Variants in SLC10A7 observed in about 807,000 individuals in gnomAD.
SLC10A7 encodes the protein sodium/bile acid cotransporter 7.
A neutral mutation model predicts 43.2 loss-of-function variants in SLC10A7; 29 were observed. That is an observed-to-expected ratio of 0.67 (90% CI 0.50 to 0.92). SLC10A7 has a LOEUF of 0.92. Among genes scored for constraint, SLC10A7 ranks in the 40% least tolerant of loss-of-function variants. SLC10A7 has a pLI of 0.00. For missense variants in SLC10A7, 295 were observed against 403.2 expected, an observed-to-expected ratio of 0.73 and a Z score of 2.30; for synonymous variants, 152 against 144.8, an observed-to-expected ratio of 1.05 and a Z score of -0.35.
chr4:146,306,679 C>A (rs183279936), intron 6 of SLC10A7, among the ~76,000 whole-genome samples: 30 of 152,164 alleles, frequency 2.0e-4, no homozygotes, highest in Admixed American at 1.2e-3. Flanking sequence ...CTATTCCCTG[C>A]AGCACAAGAG....
At chr4:146,362,388 T>C (rs185400010) in intron 5 of SLC10A7, among the ~76,000 whole-genome samples, 106 of 152,178 alleles carry the variant, frequency 7.0e-4, no homozygotes, top group Non-Finnish European at 1.1e-3. Flanking sequence ...TGATCCCTGA[T>C]ATGTCTGGCA....
intron 5 of SLC10A7, among the ~76,000 whole-genome samples, chr4:146,396,153 T>C (rs1396982217): frequency 6.6e-6 from 1 of 152,152 alleles, no homozygotes; most frequent in Non-Finnish European, 1.5e-5. Flanking sequence ...TCTGGTATCA[T>C]TTGACATTTT....
At chr4:146,438,407 A>G (rs1730355748) in intron 5 of SLC10A7, among the ~76,000 whole-genome samples, 1 of 152,080 alleles carries the variant, frequency 6.6e-6, no homozygotes, top group African/African-American at 2.4e-5. Context: ...GTAATCAGTG[A>G]CTCGTACAGA....
intron 4 of SLC10A7, among the ~76,000 whole-genome samples, chr4:146,496,058 C>T (rs1359332636): frequency 6.6e-6 from 1 of 152,192 alleles, no homozygotes; most frequent in Non-Finnish European, 1.5e-5. Context: ...ACCTGAAGTT[C>T]TGGCTGTCCC....
chr4:146,339,192 A>G (rs1465681591), intron 5 of SLC10A7, among the ~76,000 whole-genome samples: 1 of 152,040 alleles, frequency 6.6e-6, no homozygotes, highest in African/African-American at 2.4e-5. Flanking sequence ...ATTCAGATTT[A>G]TAACAGAACT....
chr4:146,355,442 G>T (rs1430893392), intron 5 of SLC10A7, among the ~76,000 whole-genome samples: 6 of 152,072 alleles, frequency 3.9e-5, no homozygotes, highest in Non-Finnish European at 7.4e-5. Context: ...CTGTTGGTGG[G>T]ACTGTAAACT....
intron 5 of SLC10A7, among the ~76,000 whole-genome samples, chr4:146,430,129 A>T (rs993450988): frequency 6.6e-6 from 1 of 152,090 alleles, no homozygotes; most frequent in African/African-American, 2.4e-5. Flanking sequence ...AAAGAAAAAA[A>T]AATAGTTAAA....
chr4:146,357,900 C>A (rs1343409357), intron 5 of SLC10A7, among the ~76,000 whole-genome samples: 2 of 151,722 alleles, frequency 1.3e-5, no homozygotes. Context: ...TCAAGTAACC[C>A]GAAAAAGAGA....
At chr4:146,283,413 G>A in intron 9 of SLC10A7, 148 bp from the exon 10 acceptor site, 2 of 638,334 alleles carry the variant, frequency 3.1e-6, no homozygotes, top group Non-Finnish European at 2.8e-6. Flanking sequence ...GTACAGAAGT[G>A]TCTGGATTTC....
At chr4:146,280,692 G>T (rs951102882) in intron 10 of SLC10A7, among the ~76,000 whole-genome samples, 3 of 152,088 alleles carry the variant, frequency 2.0e-5, no homozygotes, top group Non-Finnish European at 4.4e-5. Flanking sequence ...TGCTTAACAA[G>T]AACATTCTAG....
intron 6 of SLC10A7, among the ~76,000 whole-genome samples, chr4:146,323,938 C>T (rs1170253407): frequency 1.3e-5 from 2 of 152,132 alleles, no homozygotes; most frequent in Non-Finnish European, 2.9e-5. Flanking sequence ...CATCTGAGCC[C>T]AAAATCTCCT....
At chr4:146,375,072 G>T (rs1261564113) in intron 5 of SLC10A7, among the ~76,000 whole-genome samples, 2 of 152,104 alleles carry the variant, frequency 1.3e-5, no homozygotes, top group African/African-American at 4.8e-5. Flanking sequence ...CAGGCATGGT[G>T]GTGCATGCCT....
intron 5 of SLC10A7, among the ~76,000 whole-genome samples, chr4:146,348,531 G>T (rs1032034807): frequency 6.6e-6 from 1 of 152,158 alleles, no homozygotes; most frequent in African/African-American, 2.4e-5. Flanking sequence ...TTGAAAAAAT[G>T]ATTTGCTTTA....
chr4:146,481,980 G>A (rs1390693015), intron 4 of SLC10A7, among the ~76,000 whole-genome samples: 1 of 152,140 alleles, frequency 6.6e-6, no homozygotes, highest in African/African-American at 2.4e-5. Flanking sequence ...CACCACCACA[G>A]AGGCACCCAC....
At chr4:146,362,790 G>A (rs575898900) in intron 5 of SLC10A7, among the ~76,000 whole-genome samples, 5 of 151,584 alleles carry the variant, frequency 3.3e-5, no homozygotes, top group African/African-American at 4.8e-5. Context: ...AGTTTTCATC[G>A]TTTTAAAATA....
intron 4 of SLC10A7, among the ~76,000 whole-genome samples, chr4:146,452,054 G>A (rs1342234125): frequency 6.6e-6 from 1 of 152,034 alleles, no homozygotes; most frequent in East Asian, 1.9e-4. Context: ...TCTGGTACTT[G>A]AAGCCTGACA....
intron 7 of SLC10A7, 67 bp from the exon 8 acceptor site, chr4:146,294,162 A>G: frequency 7.9e-7 from 1 of 1,265,834 alleles, no homozygotes; most frequent in Non-Finnish European, 1.1e-6. Flanking sequence ...GGCATCACAA[A>G]GTGATTCTGA....
At chr4:146,459,909 C>A (rs1380386670) in intron 4 of SLC10A7, among the ~76,000 whole-genome samples, 2 of 151,786 alleles carry the variant, frequency 1.3e-5, no homozygotes, top group Non-Finnish European at 3.0e-5. Context: ...AGAATAATTT[C>A]TAAAACACAT....
chr4:146,428,736 T>C (rs1477509253), intron 5 of SLC10A7, among the ~76,000 whole-genome samples: 2 of 152,158 alleles, frequency 1.3e-5, no homozygotes, highest in Non-Finnish European at 2.9e-5. Context: ...GATTAAAGTA[T>C]GTATTTCACA....
Sources: allele counts gnomAD v4.1 joint callset (sites outside exome capture counted in the v4.1 genomes callset), GRCh38; gene constraint gnomAD v4.1.1; transcripts MANE v1.5; gene names NCBI Gene and HGNC (gene_info 2026-07-23, HGNC 2026-07-21).